Variants in MTMR12 observed in about 807,000 individuals in gnomAD.
MTMR12 encodes myotubularin related protein 12.
MTMR12 carries 33 observed loss-of-function variants against 96.7 expected under a neutral mutation model. That is an observed-to-expected ratio of 0.34 (90% confidence interval 0.26 to 0.46). The LOEUF (loss-of-function observed/expected upper bound fraction) is 0.46, where lower values mean the gene tolerates loss of function less well. MTMR12 is among the 20% of genes least tolerant of loss of function. The pLI is 1.00. For synonymous variants in MTMR12, 298 were observed against 327.2 expected, an observed-to-expected ratio of 0.91 and a Z score of 0.96; for missense variants, 721 against 896.1, an observed-to-expected ratio of 0.80 and a Z score of 2.49.
Position 32,312,748 on chromosome 5 carries a change from G to A in MTMR12, c.81+10C>T, listed in dbSNP as rs1178003955. 2 of 1,502,016 alleles carry A rather than the reference G, an allele frequency of 1.3e-6. No individual in the cohort carries two copies. Among genetic ancestry groups the A allele is most frequent in the Non-Finnish European group, 8.9e-7 (1 of 1,126,900 alleles). 93.0% of individuals were successfully genotyped at this position (1,502,016 alleles called of 1,614,324 possible). On this transcript the variant is annotated intron_variant, in intron 1 of 15. Coordinates refer to ENST00000382142, the MANE Select transcript of MTMR12 (RefSeq NM_001040446.3). The surrounding 1 kb of genome is among the most constrained non-coding windows in gnomAD (Gnocchi z 5.0). The stretch of plus-strand genomic sequence containing the variant: ...CTGCCCGACGCCCCGCCTGCGCGGC[G>A]CCCCCTCACCTCAGGGCGTACGTAC...
At chr5:32,263,369 T>C in intron 6 of MTMR12, 127 bp from the exon 7 acceptor site, 5 of 1,111,182 alleles carry the variant, frequency 4.5e-6, no homozygotes, top group African/African-American at 1.6e-5. Flanking sequence ...GCAGAATGAA[T>C]TGATTGCTTA....
In MTMR12 at chr5:32,229,830, T is replaced by TC; in HGVS notation, c.2191dup (p.Glu731GlyfsTer10). ...ATCTTCTCGTTTGGCCAAATCGTCTTCATCTCCCAAAGCTTTCCAGCCACT... is the reference window on the plus strand; with the variant it reads ...ATCTTCTCGTTTGGCCAAATCGTCTTCCATCTCCCAAAGCTTTCCAGCCACT... On this transcript the variant is annotated frameshift_variant, in exon 16 of 16. Coordinates refer to ENST00000382142, the MANE Select transcript of MTMR12 (RefSeq NM_001040446.3). LOFTEE classifies it high-confidence loss of function. 6.3e-7 allele frequency: 1 copy of TC among 1,584,146 alleles called. No individual in the cohort carries two copies. Among genetic ancestry groups the TC allele is most frequent in the Non-Finnish European group, 8.6e-7 (1 of 1,165,726 alleles).
chr5:32,309,116 C>A (rs1338982902), intron 1 of MTMR12, among the ~76,000 whole-genome samples: 1 of 152,146 alleles, frequency 6.6e-6, no homozygotes, highest in African/African-American at 2.4e-5. Context: ...CCTAATTATC[C>A]CTCAAAGGAA....
chr5:32,227,051 A>C lies in MTMR12; in HGVS notation c.*2727T>G, dbSNP rs1747766794. 6.5e-6 allele frequency: 1 copy of C among 152,700 alleles called. No individual in the cohort carries two copies. The highest frequency in any genetic ancestry group is 1.5e-5 in the Non-Finnish European group (1 of 68,046). The allele number at this position is 152,700 out of a possible 1,614,324, so 9.5% of individuals were successfully genotyped here. On this transcript the variant is annotated 3_prime_UTR_variant, in exon 16 of 16. Transcript: ENST00000382142. ...TAATTTCTGCAATCAGATATGATGCAGTGAGATACAAGTATAAACTTTCAT... is the reference window on the plus strand; with the variant it reads ...TAATTTCTGCAATCAGATATGATGCCGTGAGATACAAGTATAAACTTTCAT...
At chr5:32,268,892 G>A (rs893341709) in intron 5 of MTMR12, 98 bp from the exon 6 acceptor site, 4 of 925,138 alleles carry the variant, frequency 4.3e-6, no homozygotes, top group Non-Finnish European at 6.9e-6. Context: ...TCATGCCAAA[G>A]GGGTTCCAAT....
At chr5:32,288,403 C>A (rs755603905) in intron 1 of MTMR12, among the ~76,000 whole-genome samples, 1 of 152,142 alleles carries the variant, frequency 6.6e-6, no homozygotes, top group Non-Finnish European at 1.5e-5. Context: ...GAGGCAGCTG[C>A]CAGGCAAGAT....
chr5:32,263,777 T>C (rs1034120384), intron 6 of MTMR12, among the ~76,000 whole-genome samples: 3 of 152,128 alleles, frequency 2.0e-5, no homozygotes, highest in African/African-American at 7.2e-5. Flanking sequence ...TTCCATTCCT[T>C]GGAAAAGTAA....
At chr5:32,274,241 T>C in intron 2 of MTMR12, 119 bp from the exon 3 acceptor site, 1 of 1,216,250 alleles carries the variant, frequency 8.2e-7, no homozygotes, top group Non-Finnish European at 1.1e-6. Flanking sequence ...CACAGGGCTT[T>C]AGAACTTTAC....
chr5:32,251,988 C>T (rs997801649), intron 8 of MTMR12, among the ~76,000 whole-genome samples: 1 of 152,066 alleles, frequency 6.6e-6, no homozygotes, highest in Non-Finnish European at 1.5e-5. Flanking sequence ...ATATAGGAAC[C>T]AAAAAGAGTT....
At chr5:32,238,945 T>TA (rs1320596032) in intron 13 of MTMR12, 56 bp downstream of exon 13, 7 of 1,455,262 alleles carry the variant, frequency 4.8e-6, no homozygotes, top group Non-Finnish European at 1.8e-6. Context: ...AGGTATTAAA[T>TA]AAGAGATTCA....
In MTMR12 at chr5:32,234,874, A is replaced by C. The variant is rs1748148386; in HGVS notation, c.1512+88T>G. On this transcript the variant is annotated intron_variant, in intron 14 of 15. Coordinates refer to ENST00000382142, the MANE Select transcript of MTMR12 (RefSeq NM_001040446.3). ...TTAGTGTATGTGCTGCCAAGTGAGC[A>C]CCATTTTATTTGTAGCATCAGTATT... 6 of 1,302,600 alleles carry C rather than the reference A, an allele frequency of 4.6e-6. No homozygotes were observed. In the African/African-American group the frequency reaches 5.9e-5, roughly 13 times the overall value. 80.7% of individuals were successfully genotyped at this position (1,302,600 alleles called of 1,614,324 possible).
At chr5:32,244,982 C>G (rs777618095) in intron 10 of MTMR12, among the ~76,000 whole-genome samples, 8 of 151,950 alleles carry the variant, frequency 5.3e-5, no homozygotes, top group Non-Finnish European at 1.0e-4. Context: ...TCATTGCAGT[C>G]TATTTTACAT....
chr5:32,288,125 G>A (rs1750611974), intron 1 of MTMR12, among the ~76,000 whole-genome samples: 1 of 152,192 alleles, frequency 6.6e-6, no homozygotes, highest in African/African-American at 2.4e-5. Flanking sequence ...TGCATGCACA[G>A]CCTCGCCAGG....
chr5:32,243,679 T>C, intron 10 of MTMR12, 80 bp from the exon 11 acceptor site: 3 of 854,012 alleles, frequency 3.5e-6, no homozygotes, highest in Non-Finnish European at 5.8e-6. Flanking sequence ...GCTCCTCAAC[T>C]GTGTCATTCA....
At chr5:32,303,041 A>T (rs1279976108) in intron 1 of MTMR12, among the ~76,000 whole-genome samples, 1 of 152,222 alleles carries the variant, frequency 6.6e-6, no homozygotes, top group Non-Finnish European at 1.5e-5. Context: ...TGCACTCTTA[A>T]GATTAATGAT....
intron 8 of MTMR12, 59 bp from the exon 9 acceptor site, chr5:32,248,937 T>A: frequency 7.5e-7 from 1 of 1,328,572 alleles, no homozygotes. Context: ...AGGGGACACA[T>A]AAGCTTAGCA....
chr5:32,276,566 C>A, intron 2 of MTMR12, 116 bp downstream of exon 2: 2 of 831,118 alleles, frequency 2.4e-6, no homozygotes, highest in Non-Finnish European at 1.9e-6. Flanking sequence ...CAATTCATTA[C>A]TGTTATATGT....
At chr5:32,311,310 C>G (rs1751587444) in intron 1 of MTMR12, among the ~76,000 whole-genome samples, 1 of 152,158 alleles carries the variant, frequency 6.6e-6, no homozygotes, top group South Asian at 2.1e-4. Flanking sequence ...TTAAGATGAC[C>G]CTGACTCCAC....
chr5:32,266,583 G>A (rs1749603481), intron 6 of MTMR12, among the ~76,000 whole-genome samples: 1 of 151,794 alleles, frequency 6.6e-6, no homozygotes, highest in African/African-American at 2.4e-5. Flanking sequence ...AGCTAATCAG[G>A]AGGCTGAGGC....
Sources: gnomAD v4.1 joint callset for allele counts (sites outside exome capture counted in the v4.1 genomes callset) on GRCh38, gnomAD v4.1.1 for gene constraint, Gnocchi (gnomAD v3.1) non-coding constraint, MANE v1.5 for transcripts, NCBI Gene and HGNC (gene_info 2026-07-23, HGNC 2026-07-21) for gene names.